ADK: variants seen among roughly 807,000 people sequenced by gnomAD.
The protein encoded by ADK is N6,N6-dimethyladenosine kinase.
A neutral mutation model predicts 44.7 loss-of-function variants in ADK; 24 were observed. That is an observed-to-expected ratio of 0.54 (90% confidence interval 0.39 to 0.76). The LOEUF (loss-of-function observed/expected upper bound fraction) is 0.76. Ranked by LOEUF, ADK falls within the 30% of genes least tolerant of loss-of-function variation. ADK has a pLI of 0.00. For missense variants in ADK, 321 were observed against 425.1 expected, an observed-to-expected ratio of 0.76 and a Z score of 2.15; for synonymous variants, 128 against 142.6, an observed-to-expected ratio of 0.90 and a Z score of 0.73.
chr10:74,464,390 T>TA (rs76925072), intron 6 of ADK, among the ~76,000 whole-genome samples: 25 of 146,858 alleles, frequency 1.7e-4, no homozygotes, highest in East Asian at 1.0e-3. Context: ...TCTATTAATT[T>TA]AAAAAAAAAA....
chr10:74,241,192 T>C (rs1327045761), intron 3 of ADK, among the ~76,000 whole-genome samples: 1 of 152,220 alleles, frequency 6.6e-6, no homozygotes, highest in Non-Finnish European at 1.5e-5. Context: ...AATTTTATTT[T>C]AAACTTTTTC....
chr10:74,652,046 C>CTTT lies in ADK; in HGVS notation c.878-18136_878-18134dup, dbSNP rs1401635840. On this transcript the variant is annotated intron_variant, in intron 9 of 10. Transcript: ENST00000539909. ...GAAGGGATATGAAGGAACTTTCTTT[C>CTTT]TTTCTTTTTTTTTTTTTTTGAGACA... Among the ~76,000 whole-genome samples, 67 of 138,518 alleles carry CTTT rather than the reference C, an allele frequency of 4.8e-4. 2 individuals are homozygous for CTTT. Among genetic ancestry groups the CTTT allele is most frequent in the African/African-American group, 1.4e-3 (51 of 36,240 alleles). The allele number at this position is 138,518 out of a possible 152,430, so 90.9% of individuals were successfully genotyped here.
At chr10:74,450,107 C>A (rs1022245865) in intron 6 of ADK, among the ~76,000 whole-genome samples, 1 of 152,010 alleles carries the variant, frequency 6.6e-6, no homozygotes, top group African/African-American at 2.4e-5. Context: ...GAGTTTGAGA[C>A]CAGCCTGGGC....
chr10:74,199,829 G>C (rs575957138), intron 1 of ADK, among the ~76,000 whole-genome samples: 4 of 151,758 alleles, frequency 2.6e-5, no homozygotes, highest in Non-Finnish European at 5.9e-5. Flanking sequence ...ACAGGTGCTC[G>C]CCACTACACC....
At chr10:74,321,346 C>T (rs1257054997) in intron 4 of ADK, among the ~76,000 whole-genome samples, 3 of 151,596 alleles carry the variant, frequency 2.0e-5, no homozygotes, top group Non-Finnish European at 4.4e-5. Flanking sequence ...TGCAGTGGTG[C>T]GATCACAGCT....
intron 1 of ADK, among the ~76,000 whole-genome samples, chr10:74,190,692 A>G (rs894490988): frequency 6.6e-6 from 1 of 152,160 alleles, no homozygotes; most frequent in Non-Finnish European, 1.5e-5. Context: ...GGGAATTGCT[A>G]GTCAGCTCAA....
At chr10:74,204,727 A>C (rs187198457) in intron 2 of ADK, among the ~76,000 whole-genome samples, 1 of 152,240 alleles carries the variant, frequency 6.6e-6, no homozygotes, top group African/African-American at 2.4e-5. Flanking sequence ...TACTATACTT[A>C]CATTTCTTAA....
intron 7 of ADK, among the ~76,000 whole-genome samples, chr10:74,560,403 G>A (rs896814225): frequency 6.6e-6 from 1 of 152,140 alleles, no homozygotes; most frequent in East Asian, 1.9e-4. Flanking sequence ...AATCATTTGA[G>A]TCCTAGTGTA....
chr10:74,436,604 C>T (rs995798344), intron 6 of ADK, among the ~76,000 whole-genome samples: 4 of 152,066 alleles, frequency 2.6e-5, no homozygotes, highest in African/African-American at 9.7e-5. Flanking sequence ...TAAAATGCCC[C>T]TATAATATGC....
intron 4 of ADK, among the ~76,000 whole-genome samples, chr10:74,316,130 C>T (rs546906478): frequency 1.3e-5 from 2 of 151,928 alleles, no homozygotes; most frequent in East Asian, 1.9e-4. Context: ...ATCCCAGCTA[C>T]TTGGGAGGCT....
chr10:74,557,345 T>G (rs1350644998), intron 7 of ADK, among the ~76,000 whole-genome samples: 1 of 152,226 alleles, frequency 6.6e-6, no homozygotes, highest in Non-Finnish European at 1.5e-5. Context: ...ATTTATATAC[T>G]ACATAAACTA....
At chr10:74,647,919 G>T (rs1302511354) in intron 9 of ADK, among the ~76,000 whole-genome samples, 4 of 152,064 alleles carry the variant, frequency 2.6e-5, no homozygotes, top group Non-Finnish European at 5.9e-5. Flanking sequence ...TAATTATCAA[G>T]GTACAATCAG....
At chr10:74,544,672 C>T (rs370752288) in intron 7 of ADK, among the ~76,000 whole-genome samples, 4 of 151,956 alleles carry the variant, frequency 2.6e-5, no homozygotes, top group African/African-American at 4.8e-5. Flanking sequence ...GTCAGGAGAT[C>T]GAGACCATCC....
At chr10:74,260,148 G>T (rs115674812) in intron 3 of ADK, among the ~76,000 whole-genome samples, 1,941 of 152,088 alleles carry the variant, frequency 0.013, 48 homozygotes, top group African/African-American at 0.044. Context: ...GAAAAATCTT[G>T]CCCTATGTTT....
chr10:74,322,596 T>G (rs1008323567), intron 4 of ADK, among the ~76,000 whole-genome samples: 2 of 152,236 alleles, frequency 1.3e-5, no homozygotes, highest in Non-Finnish European at 2.9e-5. Flanking sequence ...AAGCAGTGGC[T>G]TGCTGTCCTC....
chr10:74,315,103 T>G (rs1474122747), intron 4 of ADK, among the ~76,000 whole-genome samples: 1 of 152,154 alleles, frequency 6.6e-6, no homozygotes, highest in East Asian at 1.9e-4. Context: ...ATGTGTACAT[T>G]AACTCTTACA....
At chr10:74,531,525 T>C (rs1306054153) in intron 7 of ADK, among the ~76,000 whole-genome samples, 2 of 152,154 alleles carry the variant, frequency 1.3e-5, no homozygotes, top group Admixed American at 6.5e-5. Flanking sequence ...TGTTTAATTC[T>C]TTTCTGTTTG....
At chr10:74,470,963 A>G (rs1271118899) in intron 6 of ADK, among the ~76,000 whole-genome samples, 1 of 152,142 alleles carries the variant, frequency 6.6e-6, no homozygotes, top group Non-Finnish European at 1.5e-5. Flanking sequence ...ATTTTTATAT[A>G]CACAATAAGG....
At chr10:74,574,421 A>G (rs1457966170) in intron 7 of ADK, among the ~76,000 whole-genome samples, 1 of 152,006 alleles carries the variant, frequency 6.6e-6, no homozygotes, top group Non-Finnish European at 1.5e-5. Context: ...TGCCTGCCTC[A>G]GCCTCCCAAA....
Sources: allele counts gnomAD v4.1 joint callset (sites outside exome capture counted in the v4.1 genomes callset), GRCh38; gene constraint gnomAD v4.1.1; transcripts MANE v1.5; gene names NCBI Gene and HGNC (gene_info 2026-07-23, HGNC 2026-07-21).